TBC1D23: variants seen among roughly 807,000 people sequenced by gnomAD.
The protein encoded by TBC1D23 is TBC1 domain family member 23, also known as HCV non-structural protein 4A-transactivated protein 1.
In TBC1D23, 55 loss-of-function variants were observed where a neutral mutation model predicts 91.4. The ratio of observed to expected loss-of-function variants is 0.60; its 90% CI spans 0.48 to 0.75. TBC1D23 has a LOEUF of 0.75. TBC1D23 is among the 30% of genes least tolerant of loss of function. The pLI is 0.00. For synonymous variants in TBC1D23, 289 were observed against 281.0 expected, an observed-to-expected ratio of 1.03 and a Z score of -0.28; for missense variants, 725 against 836.1, an observed-to-expected ratio of 0.87 and a Z score of 1.64.
At chr3:100,272,902 G>A (rs2067612158) in intron 1 of TBC1D23, among the ~76,000 whole-genome samples, 1 of 151,254 alleles carries the variant, frequency 6.6e-6, no homozygotes, top group Non-Finnish European at 1.5e-5. Flanking sequence ...CCCTATCTCA[G>A]TAGATGGAAC....
intron 12 of TBC1D23, among the ~76,000 whole-genome samples, chr3:100,305,699 G>A (rs575169178): frequency 6.6e-6 from 1 of 152,196 alleles, no homozygotes; most frequent in Admixed American, 6.5e-5. Flanking sequence ...TTTCCTCCTG[G>A]TCATTGTTGA....
chr3:100,262,723 C>CAAAAAAAAAAA (rs1174689237), intron 1 of TBC1D23, among the ~76,000 whole-genome samples: 1 of 51,412 alleles, frequency 1.9e-5, no homozygotes, highest in African/African-American at 7.4e-5. Context: ...GGCTCGGTCT[C>CAAAAAAAAAAA]AAAAAAAAAA....
At chr3:100,320,296 G>A (rs1490240777) in intron 17 of TBC1D23, among the ~76,000 whole-genome samples, 4 of 152,142 alleles carry the variant, frequency 2.6e-5, no homozygotes, top group Admixed American at 6.5e-5. Flanking sequence ...GGTTGGGTGA[G>A]TGTTAATAAT....
chr3:100,322,383 G>A (rs1239232129), intron 18 of TBC1D23, among the ~76,000 whole-genome samples: 4 of 152,150 alleles, frequency 2.6e-5, no homozygotes, highest in African/African-American at 4.8e-5. Flanking sequence ...GTGAGCCACC[G>A]TGCCCGGCCC....
chr3:100,312,450 C>G (rs1222115339), intron 15 of TBC1D23, among the ~76,000 whole-genome samples: 1 of 152,066 alleles, frequency 6.6e-6, no homozygotes, highest in Non-Finnish European at 1.5e-5. Flanking sequence ...AAAAAAATTA[C>G]ATTTTTTTCT....
At chr3:100,281,408 A>G (rs2067693417) in intron 2 of TBC1D23, among the ~76,000 whole-genome samples, 2 of 152,254 alleles carry the variant, frequency 1.3e-5, no homozygotes, top group Admixed American at 6.5e-5. Flanking sequence ...TTTAAAATGT[A>G]CATGGCACAG....
chr3:100,290,639 C>G lies in TBC1D23; in HGVS notation c.538C>G (p.Pro180Ala). Reference sequence around the variant, plus strand: ...CAGGTTGCTCATCCAATACCATGAGCCTGAGCTTTGTTCTTATCTTGATAC... The same window carrying G: ...CAGGTTGCTCATCCAATACCATGAGGCTGAGCTTTGTTCTTATCTTGATAC... ...LFRLLIQYHEPELCSYLDTKK... is the reference protein window; with the variant it reads ...LFRLLIQYHEAELCSYLDTKK... The change falls in exon 5 of 19, where the codon CCT (proline) becomes GCT (alanine). Residue 180 changes from proline to alanine, a missense_variant. Pro to Ala is a conservative substitution (Grantham distance 27). Coordinates refer to ENST00000394144, the MANE Select transcript of TBC1D23 (RefSeq NM_001199198.3). The G allele has an allele frequency of 6.2e-7, 1 of 1,613,000 alleles. No individual in the cohort carries two copies. Among genetic ancestry groups the G allele is most frequent in the Non-Finnish European group, 8.5e-7 (1 of 1,179,048 alleles).
chr3:100,272,319 A>G (rs2067606270), intron 1 of TBC1D23, among the ~76,000 whole-genome samples: 1 of 152,216 alleles, frequency 6.6e-6, no homozygotes, highest in South Asian at 2.1e-4. Flanking sequence ...AGTAGCAGTT[A>G]CTTAATACGC....
chr3:100,293,626 T>C (rs1050102048), intron 5 of TBC1D23, among the ~76,000 whole-genome samples: 1 of 152,206 alleles, frequency 6.6e-6, no homozygotes, highest in African/African-American at 2.4e-5. Flanking sequence ...AATCTGTGTT[T>C]GTAATCGTAA....
At chr3:100,280,694 G>T (rs563551903) in intron 2 of TBC1D23, among the ~76,000 whole-genome samples, 1 of 152,326 alleles carries the variant, frequency 6.6e-6, no homozygotes, top group Non-Finnish European at 1.5e-5. Context: ...ATGCAAAAGT[G>T]TAGAACTTGT....
intron 1 of TBC1D23, among the ~76,000 whole-genome samples, chr3:100,276,314 A>G (rs1043577376): frequency 6.6e-6 from 1 of 151,842 alleles, no homozygotes; most frequent in Non-Finnish European, 1.5e-5. Context: ...AATATAATAT[A>G]TAATTCCTAT....
intron 1 of TBC1D23, among the ~76,000 whole-genome samples, chr3:100,275,645 G>A (rs1334871933): frequency 1.3e-5 from 2 of 152,018 alleles, no homozygotes; most frequent in South Asian, 2.1e-4. Flanking sequence ...ACCTCTTGAA[G>A]AATAAATAAT....
At chr3:100,306,756 C>G (rs1313136340) in intron 13 of TBC1D23, among the ~76,000 whole-genome samples, 1 of 142,392 alleles carries the variant, frequency 7.0e-6, no homozygotes, top group Non-Finnish European at 1.5e-5. Flanking sequence ...CACAGTTAAA[C>G]TAGGTGGGAG....
intron 5 of TBC1D23, among the ~76,000 whole-genome samples, chr3:100,293,379 C>T (rs192031638): frequency 5.3e-5 from 8 of 152,236 alleles, no homozygotes; most frequent in East Asian, 3.9e-4. Context: ...GTGATCCACC[C>T]GCCTCGGCCT....
At chr3:100,276,076 A>G (rs1330900553) in intron 1 of TBC1D23, among the ~76,000 whole-genome samples, 1 of 146,692 alleles carries the variant, frequency 6.8e-6, no homozygotes, top group African/African-American at 2.5e-5. Context: ...AAGTGCAGAA[A>G]GATACTTGTT....
At chr3:100,321,975 A>G (rs537738819) in intron 18 of TBC1D23, among the ~76,000 whole-genome samples, 1 of 152,020 alleles carries the variant, frequency 6.6e-6, no homozygotes, top group Admixed American at 6.6e-5. Context: ...TTTAATGCAT[A>G]TGTTATTTCT....
chr3:100,324,382 A>G lies in TBC1D23; in HGVS notation c.*714A>G, dbSNP rs1705917262. The G allele has an allele frequency of 6.6e-6, 1 of 152,238 alleles. No individual in the cohort carries two copies. The highest frequency in any genetic ancestry group is 2.4e-5 in the African/African-American group (1 of 41,474). 9.4% of individuals were successfully genotyped at this position (152,238 alleles called of 1,614,324 possible). A position where few individuals can be genotyped will look rare whatever the true frequency, so the allele number is the denominator to read the frequency against. ...TAAAATAAGTAGGTAGGCTGTTAAG[A>G]TTAAAATTAACATTTTGGGGACAGA... On this transcript the variant is annotated 3_prime_UTR_variant, in exon 19 of 19. Transcript: ENST00000394144.
chr3:100,296,187 C>G lies in TBC1D23; in HGVS notation c.788C>G (p.Thr263Ser). The G allele has an allele frequency of 1.9e-6, 3 of 1,575,384 alleles. No individual in the cohort carries two copies. The highest frequency in any genetic ancestry group is 2.6e-6 in the Non-Finnish European group (3 of 1,159,778). ...KEEVIKFLEN[T>S]PSSLNIEDIE... ...AATATTTCAGAGTTCTTGGAAAATACTCCATCCAGTCTGAATATAGAAGAT... is the reference window on the plus strand; with the variant it reads ...AATATTTCAGAGTTCTTGGAAAATAGTCCATCCAGTCTGAATATAGAAGAT... The change falls in exon 8 of 19, where the codon ACT becomes AGT. Residue 263 changes from threonine to serine, a missense_variant. By Grantham distance (58) the Thr-to-Ser change is moderately conservative. Coordinates refer to ENST00000394144, the MANE Select transcript of TBC1D23 (RefSeq NM_001199198.3).
chr3:100,292,130 G>A (rs1034089697), intron 5 of TBC1D23, among the ~76,000 whole-genome samples: 10 of 152,060 alleles, frequency 6.6e-5, no homozygotes, highest in African/African-American at 2.4e-4. Context: ...GTTCATTTTC[G>A]AGGGAATATA....
Sources: allele counts gnomAD v4.1 joint callset (sites outside exome capture counted in the v4.1 genomes callset), GRCh38; gene constraint gnomAD v4.1.1; transcripts MANE v1.5; gene names NCBI Gene and HGNC (gene_info 2026-07-23, HGNC 2026-07-21).